The following SMG9 variants were observed in gnomAD, a reference collection of about 807,000 sequenced individuals.
SMG9 encodes the protein SMG9 nonsense mediated mRNA decay factor, also known as nonsense-mediated mRNA decay factor SMG9.
A neutral mutation model predicts 64.0 loss-of-function variants in SMG9; 55 were observed. That is an observed-to-expected ratio of 0.86 (90% CI 0.69 to 1.08). The LOEUF is 1.08. Ranked by LOEUF, SMG9 falls within the 50% of genes least tolerant of loss-of-function variation. The pLI is 0.00. For missense variants in SMG9, 554 were observed against 681.3 expected (o/e 0.81, Z 2.08); for synonymous variants, 244 against 254.8 (o/e 0.96, Z 0.41).
chr19:43,752,884 A>T (rs1355888064), intron 1 of SMG9, among the ~76,000 whole-genome samples: 1 of 146,984 alleles, frequency 6.8e-6, no homozygotes, highest in East Asian at 1.9e-4. Context: ...AGCCTGGGTA[A>T]CAAAGCAAGA....
chr19:43,737,363 G>A (rs1968703217), intron 9 of SMG9, among the ~76,000 whole-genome samples: 1 of 152,210 alleles, frequency 6.6e-6, no homozygotes, highest in African/African-American at 2.4e-5. Context: ...AAAGGACTTT[G>A]TAAGCCATGC....
At chr19:43,735,345 C>T (rs1424012222) in intron 9 of SMG9, among the ~76,000 whole-genome samples, 1 of 152,122 alleles carries the variant, frequency 6.6e-6, no homozygotes, top group East Asian at 1.9e-4. Context: ...TGGCCGAGCA[C>T]GGTGGCTAAC....
chr19:43,734,286 C>CGTGGG (rs1968579268), intron 10 of SMG9, 103 bp downstream of exon 10: 2 of 925,050 alleles, frequency 2.2e-6, no homozygotes, highest in Non-Finnish European at 3.3e-6. Flanking sequence ...CCACCCAGAA[C>CGTGGG]CCCACTCCTT....
intron 10 of SMG9, chr19:43,733,952 C>G (rs1179238047): frequency 1.7e-6 from 1 of 583,886 alleles, no homozygotes; most frequent in Non-Finnish European, 3.1e-6. Context: ...CTTTGAGGCC[C>G]TAGCGAGGGA....
At chr19:43,747,607 C>CTGGTACTGCCCAGCCCAAT in intron 4 of SMG9, 26 bp downstream of exon 4, 1 of 1,613,960 alleles carries the variant, frequency 6.2e-7, no homozygotes, top group Non-Finnish European at 8.5e-7. Context: ...CAGTTCCCAA[C>CTGGTACTGCCCAGCCCAAT]CTGGTACTGC....
intron 13 of SMG9, 138 bp from the exon 14 acceptor site, chr19:43,731,812 G>C (rs531004264): frequency 9.7e-7 from 1 of 1,030,618 alleles, no homozygotes; most frequent in Non-Finnish European, 1.4e-6. Context: ...CAATCTCCTC[G>C]ACTGGGATAC....
In SMG9 at chr19:43,747,449, G is replaced by A; in HGVS notation, c.581C>T (p.Ala194Val). 6.2e-7 allele frequency: 1 copy of A among 1,613,462 alleles called. No individual in the cohort carries two copies. Among genetic ancestry groups the A allele is most frequent in the South Asian group, 1.1e-5 (1 of 91,084 alleles). ...VDDQMNWCDS[A>V]IEYLLDQTDV... ...GGCAGGACCCCTCGGTACCTCGATGGCACTGTCACACCAATTCATCTGGTC... is the reference window on the plus strand; with the variant it reads ...GGCAGGACCCCTCGGTACCTCGATGACACTGTCACACCAATTCATCTGGTC... Residue 194 changes from alanine (A) to valine (V), a missense_variant, in exon 5 of 14, where the codon GCC becomes GTC. Coordinates refer to ENST00000270066, the MANE Select transcript of SMG9 (RefSeq NM_019108.4).
intron 9 of SMG9, among the ~76,000 whole-genome samples, chr19:43,735,196 G>C (rs1968617249): frequency 6.6e-6 from 1 of 152,190 alleles, no homozygotes; most frequent in African/African-American, 2.4e-5. Flanking sequence ...TGGTGAGATA[G>C]CTCATTTCTT....
At position 43,737,200 on chromosome 19, in the gene SMG9, A is replaced by C. The variant is rs141741810; in HGVS notation, c.995+397T>G. 1.5e-3 allele frequency among the ~76,000 whole-genome samples: 226 copies of C among 152,196 alleles called. 1 individual carries two copies. The highest frequency in any genetic ancestry group is 5.2e-3 in the African/African-American group (215 of 41,538). On this transcript the variant is annotated intron_variant, in intron 9 of 13. Transcript: ENST00000270066. ...AGGCAGGAGAATCACTTGAACCCAG[A>C]AGATGGAGACTGCAGTGAGCCGAGA...
Position 43,730,177 on chromosome 19 carries a change from G to C in SMG9, c.*1419C>G, listed in dbSNP as rs922881808. On this transcript the variant is annotated 3_prime_UTR_variant, in exon 14 of 14. Coordinates refer to ENST00000270066, the MANE Select transcript of SMG9 (RefSeq NM_019108.4). ...TATGTGCCACGGGCGGCAGGGGGTG[G>C]GGGAGGGCAATGGATGAACAGACTC... 2 of 152,102 alleles carry C rather than the reference G, an allele frequency of 1.3e-5. No individual in the cohort carries two copies. The highest frequency in any genetic ancestry group is 2.9e-5 in the Non-Finnish European group (2 of 67,928). 9.4% of individuals were successfully genotyped at this position (152,102 alleles called of 1,614,324 possible).
chr19:43,740,816 C>G (rs962446933), intron 6 of SMG9, among the ~76,000 whole-genome samples: 21 of 152,102 alleles, frequency 1.4e-4, no homozygotes, highest in Admixed American at 1.2e-3. Context: ...TCCCTCACTT[C>G]TACGTGTGCT....
rs372793400 is a variant in SMG9, at chr19:43,738,134, G to A, written c.897C>T (p.Tyr299=). 6.8e-6 allele frequency: 11 copies of A among 1,613,974 alleles called. No individual in the cohort carries two copies. The highest frequency in any genetic ancestry group is 1.6e-4 in the Middle Eastern group (1 of 6,084). ...LPPEYNLPHT[Y]VEMQSLQIAA... is the part of the protein sequence containing the mutation. ...TTGGCTCCCTCACCTGCATTTCAACGTAAGTGTGGGGAAGGTTGTACTCTG... is the reference window on the plus strand; with the variant it reads ...TTGGCTCCCTCACCTGCATTTCAACATAAGTGTGGGGAAGGTTGTACTCTG... Residue 299 remains tyrosine, a synonymous_variant, in exon 8 of 14, where the codon TAC becomes TAT. Coordinates refer to ENST00000270066, the MANE Select transcript of SMG9 (RefSeq NM_019108.4).
At chr19:43,735,742 T>C (rs768619499) in intron 9 of SMG9, among the ~76,000 whole-genome samples, 1 of 151,636 alleles carries the variant, frequency 6.6e-6, no homozygotes, top group Non-Finnish European at 1.5e-5. Context: ...TAAGGGATAA[T>C]GGGATTGCTA....
In SMG9 at chr19:43,731,420, A is replaced by C; in HGVS notation, c.*176T>G. ...CACAGTCACCCCCGGAACAGCCCCA[A>C]CTGAGGGTGGGGGGCCTGGCCCTGG... On this transcript the variant is annotated 3_prime_UTR_variant, in exon 14 of 14. Coordinates refer to ENST00000270066, the MANE Select transcript of SMG9 (RefSeq NM_019108.4). The C allele has an allele frequency of 7.0e-7, 1 of 1,430,774 alleles. No individual in the cohort carries two copies. The highest frequency in any genetic ancestry group is 9.2e-7 in the Non-Finnish European group (1 of 1,091,076). 88.6% of individuals were successfully genotyped at this position (1,430,774 alleles called of 1,614,324 possible).
At chr19:43,745,137 A>C (rs1274230555) in intron 5 of SMG9, among the ~76,000 whole-genome samples, 1 of 152,268 alleles carries the variant, frequency 6.6e-6, no homozygotes, top group Non-Finnish European at 1.5e-5. Context: ...AGCATGGTCA[A>C]GAAGCTAAAA....
intron 5 of SMG9, 50 bp from the exon 6 acceptor site, chr19:43,744,934 C>T (rs890125331): frequency 6.9e-7 from 1 of 1,455,624 alleles, no homozygotes; most frequent in Non-Finnish European, 9.6e-7. Flanking sequence ...GCTGCTGGAG[C>T]TGGAATGAGG....
chr19:43,751,806 T>C (rs1331965162), intron 1 of SMG9, among the ~76,000 whole-genome samples: 2 of 152,080 alleles, frequency 1.3e-5, no homozygotes, highest in Non-Finnish European at 2.9e-5. Flanking sequence ...AGACACAAGG[T>C]TGGGGGGTTC....
At chr19:43,752,519 C>T (rs1969220646) in intron 1 of SMG9, among the ~76,000 whole-genome samples, 1 of 152,232 alleles carries the variant, frequency 6.6e-6, no homozygotes, top group South Asian at 2.1e-4. Flanking sequence ...CTGTCTGTGG[C>T]TGCCTTCTTG....
intron 7 of SMG9, 81 bp downstream of exon 7, chr19:43,740,025 AG>A (rs1171583268): frequency 1.0e-6 from 1 of 994,026 alleles, no homozygotes; most frequent in Non-Finnish European, 1.6e-6. Flanking sequence ...GAATCCACGC[AG>A]GGTTCTGGCT....
Sources: allele counts gnomAD v4.1 joint callset (sites outside exome capture counted in the v4.1 genomes callset), GRCh38; gene constraint gnomAD v4.1.1; transcripts MANE v1.5; gene names NCBI Gene and HGNC (gene_info 2026-07-23, HGNC 2026-07-21).